Variants in SIMC1 observed in about 807,000 individuals in gnomAD.
SIMC1 encodes the protein SUMO-interacting motif-containing protein 1.
SIMC1 carries 55 observed loss-of-function variants against 82.3 expected under a neutral mutation model. That is an observed-to-expected ratio of 0.67 (90% CI 0.54 to 0.84). The LOEUF (loss-of-function observed/expected upper bound fraction) is 0.84. Among genes scored for constraint, SIMC1 ranks in the 40% least tolerant of loss-of-function variants. The pLI is 0.00. For missense variants in SIMC1, 915 were observed against 1,107.2 expected (o/e 0.83, Z 2.46); for synonymous variants, 353 against 426.3 (o/e 0.83, Z 2.12).
At chr5:176,314,282 A>C (rs1028547265) in intron 5 of SIMC1, among the ~76,000 whole-genome samples, 1 of 151,658 alleles carries the variant, frequency 6.6e-6, no homozygotes, top group Non-Finnish European at 1.5e-5. Context: ...TAATTAATTA[A>C]TTTTTAAAAA....
intron 7 of SIMC1, among the ~76,000 whole-genome samples, chr5:176,332,553 G>C (rs1338070794): frequency 6.6e-6 from 1 of 152,100 alleles, no homozygotes; most frequent in East Asian, 1.9e-4. Context: ...GCCTCCCACA[G>C]TGCTGGGATT....
At chr5:176,276,037 A>G (rs11749446) in intron 1 of SIMC1, among the ~76,000 whole-genome samples, 89,356 of 151,022 alleles carry the variant, frequency 0.59, 27,191 homozygotes, top group Middle Eastern at 0.62. Flanking sequence ...GAATAGTTTC[A>G]GAAGGAATGG....
At position 176,322,676 on chromosome 5, in the gene SIMC1, C is replaced by G. The variant is rs55692669; in HGVS notation, c.2042+251C>G. ...ACGAAGTCACAACGCAGATGCAAAACAAATGCTAGAGGACACTGCCCTTCA... is the reference window on the plus strand; with the variant it reads ...ACGAAGTCACAACGCAGATGCAAAAGAAATGCTAGAGGACACTGCCCTTCA... On this transcript the variant is annotated intron_variant, in intron 6 of 9. Coordinates refer to ENST00000429602, the MANE Select transcript of SIMC1 (RefSeq NM_001308195.2). 3.0e-3 allele frequency: 1,302 copies of G among 427,414 alleles called. 16 individuals carry two copies. The highest frequency in any genetic ancestry group is 0.023 in the African/African-American group (1,165 of 51,370). The allele number at this position is 427,414 out of a possible 1,614,324, so 26.5% of individuals were successfully genotyped here.
In SIMC1 at chr5:176,280,564, C is replaced by T. The variant is rs1326173056; in HGVS notation, c.130-9090C>T. Among the ~76,000 whole-genome samples, 6 of 152,098 alleles carry T rather than the reference C, an allele frequency of 3.9e-5. No individual in the cohort carries two copies. In the East Asian group the frequency reaches 5.8e-4, roughly 15 times the overall value. On this transcript the variant is annotated intron_variant, in intron 1 of 9. Transcript: ENST00000429602. Reference sequence around the variant, plus strand: ...TTTACATTTTGGCATGATTTTGGAGCGGCTGGTACCGGTTGTTCCTTTCCA... The same window carrying T: ...TTTACATTTTGGCATGATTTTGGAGTGGCTGGTACCGGTTGTTCCTTTCCA...
intron 9 of SIMC1, among the ~76,000 whole-genome samples, chr5:176,343,170 C>T (rs1766227412): frequency 6.6e-6 from 1 of 152,228 alleles, no homozygotes; most frequent in South Asian, 2.1e-4. Flanking sequence ...GAATGTATTA[C>T]TTGAAAATGT....
chr5:176,287,714 GAAA>G lies in SIMC1; in HGVS notation c.130-1932_130-1930del, dbSNP rs959529194. Among the ~76,000 whole-genome samples the G allele has an allele frequency of 1.9e-4, 27 of 144,246 alleles. 1 individual carries two copies. Among genetic ancestry groups the G allele is most frequent in the Admixed American group, 1.7e-3 (24 of 14,516 alleles). The allele number at this position is 144,246 out of a possible 152,430, so 94.6% of individuals were successfully genotyped here. The stretch of plus-strand genomic sequence containing the variant: ...AAAATAAATTGAAAGAATAAAAAAA[GAAA>G]AAAAAAATCCTAAGGAATCGACAAA... On this transcript the variant is annotated intron_variant, in intron 1 of 9. Coordinates refer to ENST00000429602, the MANE Select transcript of SIMC1 (RefSeq NM_001308195.2).
intron 7 of SIMC1, among the ~76,000 whole-genome samples, chr5:176,327,214 C>CT (rs1486018769): frequency 1.3e-5 from 2 of 152,148 alleles, no homozygotes; most frequent in Non-Finnish European, 2.9e-5. Flanking sequence ...AAACCTGGCC[C>CT]TACTTTAAAA....
At chr5:176,319,395 A>G (rs978944896) in intron 5 of SIMC1, among the ~76,000 whole-genome samples, 1 of 151,968 alleles carries the variant, frequency 6.6e-6, no homozygotes, top group African/African-American at 2.4e-5. Flanking sequence ...TAAGCCAGGC[A>G]TGGCGGCATG....
At chr5:176,314,690 A>G (rs1581301659) in intron 5 of SIMC1, among the ~76,000 whole-genome samples, 1 of 152,138 alleles carries the variant, frequency 6.6e-6, no homozygotes, top group South Asian at 2.1e-4. Flanking sequence ...GGGGGAAAAT[A>G]TGATCTTTAG....
chr5:176,331,987 CAA>C (rs1765691592), intron 7 of SIMC1, among the ~76,000 whole-genome samples: 1 of 151,708 alleles, frequency 6.6e-6, no homozygotes. Context: ...CAAACAAACA[CAA>C]ACTTTGCATT....
Position 176,322,279 on chromosome 5 carries a change from T to C in SIMC1, c.1896T>C (p.Val632=). Reference sequence around the variant, plus strand: ...TTTCTTTTTTCCATTACAGGGATGTTATCAAGTGGCTGGTCAAAGCAGTAA... The same window carrying C: ...TTTCTTTTTTCCATTACAGGGATGTCATCAAGTGGCTGGTCAAAGCAGTAA... ...CDKQPHNVRD[V]IKWLVKAVTE... The change falls in exon 6 of 10, where the codon GTT becomes GTC. Residue 632 remains valine, a synonymous_variant. Transcript: ENST00000429602. 6.4e-7 allele frequency: 1 copy of C among 1,560,542 alleles called. No individual in the cohort carries two copies. Among genetic ancestry groups the C allele is most frequent in the Non-Finnish European group, 8.7e-7 (1 of 1,151,534 alleles).
At chr5:176,324,895 CTAAT>C in intron 7 of SIMC1, 138 bp downstream of exon 7, 2 of 1,030,266 alleles carry the variant, frequency 1.9e-6, no homozygotes, top group Admixed American at 3.0e-5. Context: ...AAATTCCAAA[CTAAT>C]TAAGATAGGA....
intron 1 of SIMC1, among the ~76,000 whole-genome samples, chr5:176,271,003 A>G (rs1168925657): frequency 6.6e-6 from 1 of 152,274 alleles, no homozygotes; most frequent in Non-Finnish European, 1.5e-5. Context: ...TGGGGCAGCC[A>G]AGGGAAAGCT....
intron 7 of SIMC1, among the ~76,000 whole-genome samples, chr5:176,334,662 A>C (rs2113403989): frequency 6.6e-6 from 1 of 152,240 alleles, no homozygotes. Context: ...CCTAAACTCC[A>C]GCCTCTGTTT....
At chr5:176,255,398 A>G (rs1314251854) in intron 1 of SIMC1, among the ~76,000 whole-genome samples, 1 of 152,150 alleles carries the variant, frequency 6.6e-6, no homozygotes, top group Non-Finnish European at 1.5e-5. Flanking sequence ...CCTGGCCAAC[A>G]TGGTGAAACC....
intron 5 of SIMC1, among the ~76,000 whole-genome samples, chr5:176,319,878 T>C (rs1164758091): frequency 2.0e-5 from 3 of 152,170 alleles, no homozygotes. Context: ...AGATGTCTGG[T>C]AAACCTTGGT....
At chr5:176,324,476 G>A (rs929441990) in intron 6 of SIMC1, among the ~76,000 whole-genome samples, 153 bp from the exon 7 acceptor site, 2 of 152,144 alleles carry the variant, frequency 1.3e-5, no homozygotes, top group African/African-American at 4.8e-5. Context: ...GCATGCTGAT[G>A]GTTTGAGTAG....
At chr5:176,301,704 G>A (rs1352328645) in intron 4 of SIMC1, among the ~76,000 whole-genome samples, 9 of 151,870 alleles carry the variant, frequency 5.9e-5, no homozygotes, top group South Asian at 4.2e-4. Context: ...ACCTGAACCC[G>A]GGAGGCAGGG....
intron 4 of SIMC1, among the ~76,000 whole-genome samples, chr5:176,305,652 A>T (rs1764310738): frequency 9.0e-6 from 1 of 110,582 alleles, no homozygotes; most frequent in Non-Finnish European, 1.9e-5. Context: ...GGCTGCCCCT[A>T]CTGGGAAGTG....
Sources: allele counts gnomAD v4.1 joint callset (sites outside exome capture counted in the v4.1 genomes callset), GRCh38; gene constraint gnomAD v4.1.1; transcripts MANE v1.5; gene names NCBI Gene and HGNC (gene_info 2026-07-23, HGNC 2026-07-21).